The following PRDM2 variants were observed in gnomAD, a reference collection of about 807,000 sequenced individuals.
PRDM2 encodes PR domain zinc finger protein 2.
In PRDM2, 30 loss-of-function variants were observed where a neutral mutation model predicts 130.0. The ratio of observed to expected loss-of-function variants is 0.23; its 90% CI spans 0.17 to 0.31. The LOEUF (loss-of-function observed/expected upper bound fraction) is 0.31, where lower values mean the gene tolerates loss of function less well. PRDM2 is among the 10% of genes least tolerant of loss of function. The pLI is 1.00. For synonymous variants in PRDM2, 871 were observed against 782.4 expected (o/e 1.11, Z -1.89); for missense variants, 2,011 against 2,108.4 (o/e 0.95, Z 0.90).
rs771048171 is a variant in PRDM2, at chr1:13,782,929, TC to T, written c.5036+102del. Reference sequence around the variant, plus strand: ...TTCTTGTTGCTTTTTTTTTTTTTTTTCCCCACTTAAAGGAAATAGCTGTTGT... The same window carrying T: ...TTCTTGTTGCTTTTTTTTTTTTTTTTCCCACTTAAAGGAAATAGCTGTTGT... On this transcript the variant is annotated intron_variant, in intron 8 of 9. Coordinates refer to ENST00000311066, the MANE Select transcript of PRDM2 (RefSeq NM_001393986.1). 4.6e-5 allele frequency: 67 copies of T among 1,455,210 alleles called. No homozygotes were observed. The East Asian group carries it at 5.4e-4, about 12-fold the overall frequency. 90.1% of individuals were successfully genotyped at this position (1,455,210 alleles called of 1,614,324 possible).
At chr1:13,705,996 A>AC (rs1411942529) in intron 1 of PRDM2, among the ~76,000 whole-genome samples, 1 of 151,556 alleles carries the variant, frequency 6.6e-6, no homozygotes, top group Non-Finnish European at 1.5e-5. Flanking sequence ...AAAAAAAAAA[A>AC]AAAAAAAAAT....
chr1:13,773,720 T>TAAAAATAATG (rs1224826301), intron 7 of PRDM2: 1 of 151,912 alleles, frequency 6.6e-6, no homozygotes, highest in Admixed American at 6.6e-5. Context: ...TCTAAAAAAA[T>TAAAAATAATG]AAAAATAATG....
Position 13,823,432 on chromosome 1 carries a change from A to C in PRDM2, c.*297A>C. ...TGCAGCTCTTGGGACCGTGTTCTGC[A>C]GCCCAGCCTTCCTGTTGGGGTGGGG... is the stretch of plus-strand genomic sequence containing the variant. On this transcript the variant is annotated 3_prime_UTR_variant, in exon 10 of 10. Coordinates refer to ENST00000311066, the MANE Select transcript of PRDM2 (RefSeq NM_001393986.1). 1.8e-6 allele frequency: 1 copy of C among 543,676 alleles called. No individual in the cohort carries two copies. The highest frequency in any genetic ancestry group is 3.3e-6 in the Non-Finnish European group (1 of 304,184). 33.7% of individuals were successfully genotyped at this position (543,676 alleles called of 1,614,324 possible).
intron 4 of PRDM2, among the ~76,000 whole-genome samples, chr1:13,736,742 C>T (rs930622692): frequency 1.3e-5 from 2 of 151,054 alleles, no homozygotes; most frequent in Admixed American, 1.3e-4. Flanking sequence ...TGTTTCTTGC[C>T]AGCCTTTTAA....
chr1:13,808,541 T>G (rs1645122277), intron 8 of PRDM2, among the ~76,000 whole-genome samples: 1 of 151,646 alleles, frequency 6.6e-6, no homozygotes, highest in Non-Finnish European at 1.5e-5. Flanking sequence ...GGACTACGTA[T>G]CTCATTCATT....
intron 7 of PRDM2, among the ~76,000 whole-genome samples, chr1:13,774,967 C>CAAA (rs35869788): frequency 1.0e-5 from 1 of 99,472 alleles, no homozygotes. Flanking sequence ...GACTCCGTCT[C>CAAA]AAAAAAAAAA....
intron 4 of PRDM2, among the ~76,000 whole-genome samples, chr1:13,740,712 T>A (rs926662475): frequency 3.9e-5 from 6 of 152,162 alleles, no homozygotes; most frequent in African/African-American, 9.7e-5. Context: ...GCCTGCTACA[T>A]AGGGTTAAAT....
chr1:13,803,984 T>C lies in PRDM2; in HGVS notation c.5037-12443T>C, dbSNP rs1444387634. On this transcript the variant is annotated intron_variant, in intron 8 of 9. Coordinates refer to ENST00000311066, the MANE Select transcript of PRDM2 (RefSeq NM_001393986.1). This position sits in a 1 kb window ranked among gnomAD's most constrained non-coding sequence, Gnocchi z 6.2. ...GGGCTGATGAGATGGAAGAAAAATG[T>C]GTCTGCTGAGGCCGACTTCAGCCCT... 2.0e-5 allele frequency among the ~76,000 whole-genome samples: 3 copies of C among 152,176 alleles called. No individual in the cohort carries two copies. Among genetic ancestry groups the C allele is most frequent in the Non-Finnish European group, 4.4e-5 (3 of 68,028 alleles).
chr1:13,804,170 C>T (rs1041162773), intron 8 of PRDM2, among the ~76,000 whole-genome samples: 2 of 152,114 alleles, frequency 1.3e-5, no homozygotes, highest in Non-Finnish European at 2.9e-5. Context: ...ATGAAGACAG[C>T]GCATGGGCCA....
chr1:13,755,862 G>T (rs993734082), intron 6 of PRDM2, among the ~76,000 whole-genome samples: 1 of 151,972 alleles, frequency 6.6e-6, no homozygotes, highest in South Asian at 2.1e-4. Context: ...TCGAACTCCT[G>T]AGCTCAAGCT....
chr1:13,742,728 TCTC>T (rs1643485141), intron 5 of PRDM2, among the ~76,000 whole-genome samples: 1 of 152,222 alleles, frequency 6.6e-6, no homozygotes, highest in African/African-American at 2.4e-5. Flanking sequence ...CTGCTTCCCT[TCTC>T]CTATGACACA....
At chr1:13,816,707 T>TC in intron 9 of PRDM2, 137 bp downstream of exon 9, 2 of 1,209,476 alleles carry the variant, frequency 1.7e-6, no homozygotes, top group Non-Finnish European at 2.3e-6. Flanking sequence ...GTGCAGGGCC[T>TC]CCCTCCAGGA....
At chr1:13,714,353 T>C (rs1642470214) in intron 1 of PRDM2, among the ~76,000 whole-genome samples, 1 of 151,952 alleles carries the variant, frequency 6.6e-6, no homozygotes, top group South Asian at 2.1e-4. Context: ...TTTTTTTTTT[T>C]CCTGAGTACT....
intron 3 of PRDM2, among the ~76,000 whole-genome samples, chr1:13,732,135 C>T (rs896532087): frequency 6.6e-6 from 1 of 152,072 alleles, no homozygotes; most frequent in South Asian, 2.1e-4. Flanking sequence ...CTCATTATAT[C>T]GCTTTCCGTT....
intron 6 of PRDM2, among the ~76,000 whole-genome samples, chr1:13,766,219 C>T (rs1240152508): frequency 6.6e-6 from 1 of 152,120 alleles, no homozygotes; most frequent in Non-Finnish European, 1.5e-5. Flanking sequence ...CAAAGCCTTT[C>T]TTCAACCTAG....
intron 7 of PRDM2, among the ~76,000 whole-genome samples, chr1:13,776,198 C>T (rs1289327028): frequency 2.0e-5 from 3 of 152,060 alleles, no homozygotes; most frequent in Non-Finnish European, 4.4e-5. Flanking sequence ...AAGTGAAGCT[C>T]TCTATGGGTA....
In PRDM2 at chr1:13,773,204, T is replaced by TATA; in HGVS notation, c.622+16_622+17insATA. On this transcript the variant is annotated intron_variant, in intron 7 of 9. Transcript: ENST00000311066. ...TCTGCAGAAGGTAAGCTTGTGATAT[T>TATA]GGCTTGGTCTGAATTGGGTGTGTAT... 1 of 1,472,612 alleles carries TATA rather than the reference T, an allele frequency of 6.8e-7. No homozygotes were observed. The highest frequency in any genetic ancestry group is 1.4e-5 in the African/African-American group (1 of 70,204). 91.2% of individuals were successfully genotyped at this position (1,472,612 alleles called of 1,614,324 possible). A position where few individuals can be genotyped will look rare whatever the true frequency, so the allele number is the denominator to read the frequency against.
chr1:13,745,812 A>T lies in PRDM2; in HGVS notation c.385-3549A>T, dbSNP rs559153589. Among the ~76,000 whole-genome samples the T allele has an allele frequency of 2.3e-3, 357 of 152,254 alleles. 3 individuals carry two copies. Among genetic ancestry groups the T allele is most frequent in the African/African-American group, 8.3e-3 (344 of 41,540 alleles). On this transcript the variant is annotated intron_variant, in intron 5 of 9. Transcript: ENST00000311066. ...GGAATCTTAGGAGATGAGGCTGTTG[A>T]GGTCTGCAGGGATGGATGAGTTTTA...
rs778525644 is a variant in PRDM2 at position 13,773,106 on chromosome 1, CAAAGG to C, written c.544_548del (p.Gly182GlnfsTer11). ...AGAAAAAATCCCAGGAAAATAAAAACAAAGGAAACAAAATCCAAGACATACAACTG... is the reference window on the plus strand; with the variant it reads ...AGAAAAAATCCCAGGAAAATAAAAACAAACAAAATCCAAGACATACAACTG... On this transcript the variant is annotated frameshift_variant, in exon 7 of 10. Transcript: ENST00000311066. LOFTEE classifies it high-confidence loss of function. The C allele has an allele frequency of 1.9e-6, 3 of 1,548,118 alleles. No homozygotes were observed. Among genetic ancestry groups the C allele is most frequent in the Non-Finnish European group, 2.6e-6 (3 of 1,152,328 alleles).
Sources: allele counts gnomAD v4.1 joint callset (sites outside exome capture counted in the v4.1 genomes callset), GRCh38; gene constraint gnomAD v4.1.1; non-coding constraint Gnocchi (gnomAD v3.1); transcripts MANE v1.5; gene names NCBI Gene and HGNC (gene_info 2026-07-23, HGNC 2026-07-21).